The following ANO3 variants were observed in gnomAD, a reference collection of about 807,000 sequenced individuals.
ANO3 encodes anoctamin 3.
Under a neutral mutation model 144.8 loss-of-function variants are expected in ANO3, and 99 were observed. That is an observed-to-expected ratio of 0.68 (90% CI 0.58 to 0.81). The LOEUF (loss-of-function observed/expected upper bound fraction) is 0.81. Ranked by LOEUF, ANO3 falls within the 30% of genes least tolerant of loss-of-function variation. ANO3 has a pLI of 0.00. For synonymous variants in ANO3, 414 were observed against 392.6 expected (o/e 1.05, Z -0.64); for missense variants, 905 against 1,202.2 (o/e 0.75, Z 3.66).
At chr11:26,201,522 A>C (rs933190286) in intron 1 of ANO3, among the ~76,000 whole-genome samples, 5 of 152,064 alleles carry the variant, frequency 3.3e-5, no homozygotes, top group African/African-American at 7.2e-5. Flanking sequence ...TCAAATTACA[A>C]ATAGAGAAAA....
intron 17 of ANO3, among the ~76,000 whole-genome samples, chr11:26,623,294 A>G (rs1249448748): frequency 1.3e-5 from 2 of 152,218 alleles, no homozygotes; most frequent in Non-Finnish European, 1.5e-5. Context: ...TAATATGTCC[A>G]GATGCATACC....
chr11:26,346,395 G>C (rs565428859), intron 1 of ANO3, among the ~76,000 whole-genome samples: 15 of 152,258 alleles, frequency 9.9e-5, no homozygotes, highest in Middle Eastern at 3.4e-3. Context: ...GAGAATTTCT[G>C]TTTCAGGCTA....
At chr11:26,309,601 G>C in exon 1 of ANO3, 1 of 931,462 alleles carries the variant, frequency 1.1e-6, no homozygotes, top group Non-Finnish European at 1.3e-6. Flanking sequence ...GGTCTACTGA[G>C]TTTCTGAGCA....
chr11:26,544,251 C>CATATATATAT lies in ANO3; in HGVS notation c.1154+2197_1154+2206dup, dbSNP rs1554967685. On this transcript the variant is annotated intron_variant, in intron 11 of 26. Coordinates refer to ENST00000256737, the MANE Select transcript of ANO3 (RefSeq NM_031418.4). ...TAAGGTTAAGTAGTATTTCATTATA[C>CATATATATAT]ATATATATATATATATATATATACA... 8.6e-3 allele frequency among the ~76,000 whole-genome samples: 332 copies of CATATATATAT among 38,474 alleles called. 19 individuals are homozygous for CATATATATAT. The highest frequency in any genetic ancestry group is 0.025 in the Middle Eastern group (1 of 40). 25.2% of individuals were successfully genotyped at this position (38,474 alleles called of 152,430 possible). A position where few individuals can be genotyped will look rare whatever the true frequency, so the allele number is the denominator to read the frequency against.
chr11:26,287,886 T>C (rs1853845551), intron 1 of ANO3: 1 of 152,212 alleles, frequency 6.6e-6, no homozygotes, highest in Non-Finnish European at 1.5e-5. Flanking sequence ...TTTATTTTCT[T>C]TAAATTCTAA....
intron 17 of ANO3, among the ~76,000 whole-genome samples, chr11:26,607,644 C>T (rs891151051): frequency 2.6e-5 from 4 of 152,242 alleles, no homozygotes; most frequent in South Asian, 4.1e-4. Context: ...TGGGAGTCTA[C>T]GTCTCTTTGT....
upstream of ANO3, among the ~76,000 whole-genome samples, chr11:26,307,397 T>C (rs1376078563): frequency 6.7e-6 from 1 of 149,666 alleles, no homozygotes; most frequent in Non-Finnish European, 1.5e-5. Flanking sequence ...GTCCTCCAGA[T>C]GTAGTTAATA....
chr11:26,455,024 CA>C (rs1279141840), intron 3 of ANO3, among the ~76,000 whole-genome samples: 1 of 151,198 alleles, frequency 6.6e-6, no homozygotes, highest in Non-Finnish European at 1.5e-5. Context: ...AATTCAACAA[CA>C]CTTCATGCTA....
chr11:26,421,023 T>C (rs1857735900), intron 1 of ANO3, among the ~76,000 whole-genome samples: 1 of 152,112 alleles, frequency 6.6e-6, no homozygotes, highest in African/African-American at 2.4e-5. Context: ...GTTCTAACAC[T>C]TCCTAGATGT....
intron 3 of ANO3, among the ~76,000 whole-genome samples, chr11:26,454,500 A>G (rs1859072936): frequency 6.6e-6 from 1 of 152,224 alleles, no homozygotes; most frequent in African/African-American, 2.4e-5. Context: ...ATTCCTCAAC[A>G]TATATGCTCT....
At chr11:26,556,035 A>G (rs557276252) in intron 13 of ANO3, among the ~76,000 whole-genome samples, 17 of 152,312 alleles carry the variant, frequency 1.1e-4, no homozygotes, top group African/African-American at 4.1e-4. Context: ...TTTCAGTGAT[A>G]TGTTTGCATG....
chr11:26,438,617 A>G (rs1347524371), intron 1 of ANO3, among the ~76,000 whole-genome samples: 2 of 149,212 alleles, frequency 1.3e-5, no homozygotes, highest in East Asian at 3.9e-4. Flanking sequence ...AAGAAAAAAA[A>G]AAAAAAAGAA....
At chr11:26,585,424 A>C (rs1414118934) in intron 14 of ANO3, among the ~76,000 whole-genome samples, 1 of 151,862 alleles carries the variant, frequency 6.6e-6, no homozygotes, top group Non-Finnish European at 1.5e-5. Context: ...TTTCATTTTT[A>C]AGTATCTTTA....
In ANO3 at chr11:26,289,556, G is replaced by A. The variant is rs181300125; in HGVS notation, c.155-20089G>A. Among the ~76,000 whole-genome samples the A allele has an allele frequency of 3.4e-4, 39 of 114,032 alleles. 1 individual carries two copies. The highest frequency in any genetic ancestry group is 1.7e-3 in the African/African-American group (34 of 20,270). The allele number at this position is 114,032 out of a possible 152,430, so 74.8% of individuals were successfully genotyped here. A position where few individuals can be genotyped will look rare whatever the true frequency, so the allele number is the denominator to read the frequency against. On this transcript the variant is annotated intron_variant, in intron 1 of 27. Transcript: ENST00000672621. ...TAGAATATATATATTCTATATGTGT[G>A]TATATGTACATATACACATATATCC...
chr11:26,586,399 A>G (rs293990), intron 14 of ANO3, among the ~76,000 whole-genome samples: 126,538 of 144,302 alleles, frequency 0.88, 55,691 homozygotes, highest in East Asian at 0.96. Flanking sequence ...ACTTTGTCGT[A>G]AGACAAATAA....
chr11:26,366,790 C>G (rs1318144510), intron 1 of ANO3, among the ~76,000 whole-genome samples: 2 of 144,266 alleles, frequency 1.4e-5, no homozygotes, highest in African/African-American at 2.7e-5. Flanking sequence ...TGAGAAATGT[C>G]TGTTCATATC....
intron 14 of ANO3, among the ~76,000 whole-genome samples, chr11:26,570,568 T>A (rs2134286552): frequency 6.6e-6 from 1 of 152,246 alleles, no homozygotes; most frequent in Non-Finnish European, 1.5e-5. Flanking sequence ...AATAGAATCA[T>A]CAGTTCAGGT....
chr11:26,291,569 G>A (rs1459020941), intron 1 of ANO3, among the ~76,000 whole-genome samples: 1 of 152,108 alleles, frequency 6.6e-6, no homozygotes, highest in African/African-American at 2.4e-5. Flanking sequence ...TCCATGTTTA[G>A]TGCTTCCTTC....
chr11:26,439,741 A>AT (rs929599168), intron 1 of ANO3, among the ~76,000 whole-genome samples: 1 of 152,200 alleles, frequency 6.6e-6, no homozygotes, highest in Non-Finnish European at 1.5e-5. Context: ...CTATAATTTC[A>AT]TTTTTGTAAG....
Sources: gnomAD v4.1 joint callset for allele counts (sites outside exome capture counted in the v4.1 genomes callset) on GRCh38, gnomAD v4.1.1 for gene constraint, MANE v1.5 for transcripts, NCBI Gene and HGNC (gene_info 2026-07-23, HGNC 2026-07-21) for gene names.